The following GRID1 variants were observed in gnomAD, a reference collection of about 807,000 sequenced individuals.
GRID1 encodes glutamate receptor ionotropic, delta-1.
A neutral mutation model predicts 98.0 loss-of-function variants in GRID1; 28 were observed. That is an observed-to-expected ratio of 0.29 (90% CI 0.21 to 0.39). The LOEUF (loss-of-function observed/expected upper bound fraction) is 0.39, where lower values mean the gene tolerates loss of function less well. GRID1 is among the 10% of genes least tolerant of loss of function. The probability of loss-of-function intolerance (pLI) is 1.00; values close to 1 mark genes in which losing one functional copy is unlikely to be tolerated. For missense variants in GRID1, 1,111 were observed against 1,340.5 expected, an observed-to-expected ratio of 0.83 and a Z score of 2.67; for synonymous variants, 553 against 538.5, an observed-to-expected ratio of 1.03 and a Z score of -0.37.
intron 2 of GRID1, among the ~76,000 whole-genome samples, chr10:86,351,885 G>A (rs542766964): frequency 1.3e-5 from 2 of 152,312 alleles, no homozygotes; most frequent in African/African-American, 4.8e-5. Context: ...TACTTCATTT[G>A]TTCCCGAAGT....
chr10:85,940,018 G>T (rs1408268948), intron 4 of GRID1, among the ~76,000 whole-genome samples: 2 of 141,838 alleles, frequency 1.4e-5, no homozygotes, highest in African/African-American at 5.3e-5. Flanking sequence ...AGTGAGCAGA[G>T]ATTGCACCAC....
chr10:85,787,699 A>G (rs1437328595), intron 8 of GRID1, among the ~76,000 whole-genome samples: 1 of 152,158 alleles, frequency 6.6e-6, no homozygotes, highest in Non-Finnish European at 1.5e-5. Context: ...TCCTCAGCTC[A>G]GCACACTGCC....
intron 8 of GRID1, among the ~76,000 whole-genome samples, chr10:85,824,799 T>C (rs1333779341): frequency 1.3e-5 from 2 of 152,212 alleles, no homozygotes; most frequent in Non-Finnish European, 2.9e-5. Flanking sequence ...AGAATGTATA[T>C]TTGGTTTTCC....
At chr10:85,647,736 A>T (rs7916704) in intron 12 of GRID1, 76 of 219,494 alleles carry the variant, frequency 3.5e-4, no homozygotes, top group African/African-American at 1.5e-3. Flanking sequence ...GCAAACATAT[A>T]GACAGAGAAT....
chr10:85,947,361 T>A (rs1369592552), intron 4 of GRID1, among the ~76,000 whole-genome samples: 1 of 152,246 alleles, frequency 6.6e-6, no homozygotes, highest in Non-Finnish European at 1.5e-5. Flanking sequence ...GGGAGAATAC[T>A]GCTTTACACA....
rs59101010 is a variant in GRID1, at chr10:85,802,838, AACACACACACACACAC to A, written c.1233+51642_1233+51657del. ...GAACTCCAAGCATCCAAGCAGAATA[AACACACACACACACAC>A]ACACACACACACACACACACACACA... is the stretch of plus-strand genomic sequence containing the variant. On this transcript the variant is annotated intron_variant, in intron 8 of 15. Transcript: ENST00000327946. 2.7e-3 allele frequency among the ~76,000 whole-genome samples: 322 copies of A among 120,970 alleles called. 2 individuals are homozygous for A. The highest frequency in any genetic ancestry group is 0.012 in the Middle Eastern group (3 of 242). 79.4% of individuals were successfully genotyped at this position (120,970 alleles called of 152,430 possible).
chr10:85,620,333 G>A (rs1842844730), intron 13 of GRID1, among the ~76,000 whole-genome samples: 1 of 152,214 alleles, frequency 6.6e-6, no homozygotes, highest in African/African-American at 2.4e-5. Flanking sequence ...ACAGTGCTAT[G>A]GGCCTATGTC....
At chr10:85,607,643 C>A (rs867779158) in intron 15 of GRID1, among the ~76,000 whole-genome samples, 1 of 152,076 alleles carries the variant, frequency 6.6e-6, no homozygotes, top group South Asian at 2.1e-4. Context: ...GAGAGCGAAC[C>A]GACAATGACT....
intron 4 of GRID1, among the ~76,000 whole-genome samples, chr10:86,099,168 C>G (rs190733074): frequency 6.6e-6 from 1 of 152,194 alleles, no homozygotes; most frequent in South Asian, 2.1e-4. Context: ...CAAGGTAGCA[C>G]AGTGGTTCTG....
At chr10:85,956,225 G>A (rs777153753) in intron 4 of GRID1, among the ~76,000 whole-genome samples, 17 of 151,978 alleles carry the variant, frequency 1.1e-4, no homozygotes, top group Non-Finnish European at 1.9e-4. Flanking sequence ...GGTGTCAAAC[G>A]GTTTGCACCT....
At chr10:85,723,869 A>G (rs1564570677) in intron 11 of GRID1, among the ~76,000 whole-genome samples, 1 of 152,242 alleles carries the variant, frequency 6.6e-6, no homozygotes, top group Admixed American at 6.5e-5. Context: ...TGCTCCAGTC[A>G]AAATGGCACA....
chr10:85,626,100 G>A (rs2132529187), intron 13 of GRID1, among the ~76,000 whole-genome samples: 2 of 152,376 alleles, frequency 1.3e-5, no homozygotes, highest in East Asian at 3.9e-4. Context: ...ACAGGTGCCT[G>A]TAGTGCCAGG....
At chr10:86,140,833 A>G (rs11201896) in intron 3 of GRID1, among the ~76,000 whole-genome samples, 7,122 of 152,282 alleles carry the variant, frequency 0.047, 178 homozygotes, top group Non-Finnish European at 0.054. Context: ...CTTCCTGTGC[A>G]GGCCACCTGC....
At chr10:85,937,790 G>A (rs938917026) in intron 4 of GRID1, among the ~76,000 whole-genome samples, 1 of 152,162 alleles carries the variant, frequency 6.6e-6, no homozygotes, top group African/African-American at 2.4e-5. Flanking sequence ...TAGAGGTCAG[G>A]AAGGCTGCTA....
intron 8 of GRID1, among the ~76,000 whole-genome samples, chr10:85,800,484 T>G (rs1167883752): frequency 6.6e-6 from 1 of 151,986 alleles, no homozygotes; most frequent in Non-Finnish European, 1.5e-5. Flanking sequence ...AAATCCATAA[T>G]GGATAGTTCA....
At chr10:86,266,311 A>G (rs1329525829) in intron 2 of GRID1, among the ~76,000 whole-genome samples, 2 of 152,012 alleles carry the variant, frequency 1.3e-5, no homozygotes, top group African/African-American at 4.8e-5. Flanking sequence ...CCTCCAGCAA[A>G]TCCCTCTAAT....
intron 8 of GRID1, among the ~76,000 whole-genome samples, chr10:85,760,043 C>A (rs146376417): frequency 7.9e-5 from 12 of 152,152 alleles, no homozygotes; most frequent in African/African-American, 2.9e-4. Context: ...CTCAGTGGGG[C>A]TCTTGATGGT....
At chr10:86,308,475 A>C (rs151029836) in intron 2 of GRID1, among the ~76,000 whole-genome samples, 1 of 152,228 alleles carries the variant, frequency 6.6e-6, no homozygotes, top group Non-Finnish European at 1.5e-5. Context: ...CCAAACACCC[A>C]GCCTCAGAGT....
chr10:85,957,028 G>T (rs1589313072), intron 4 of GRID1, among the ~76,000 whole-genome samples: 1 of 152,224 alleles, frequency 6.6e-6, no homozygotes, highest in East Asian at 1.9e-4. Context: ...GCAGGAGAGA[G>T]AAGTGCTGAG....
Sources: gnomAD v4.1 joint callset for allele counts (sites outside exome capture counted in the v4.1 genomes callset) on GRCh38, gnomAD v4.1.1 for gene constraint, MANE v1.5 for transcripts, NCBI Gene and HGNC (gene_info 2026-07-23, HGNC 2026-07-21) for gene names.